Variants in ARL6IP1 observed in about 807,000 individuals in gnomAD.
The protein encoded by ARL6IP1 is ADP-ribosylation factor-like protein 6-interacting protein 1.
A neutral mutation model predicts 30.1 loss-of-function variants in ARL6IP1; 16 were observed. The observed-to-expected ratio is 0.53, with a 90% CI of 0.36 to 0.81. ARL6IP1 has a LOEUF of 0.81. Ranked by LOEUF, ARL6IP1 falls within the 30% of genes least tolerant of loss-of-function variation. The pLI, the probability that ARL6IP1 is intolerant of heterozygous loss-of-function variation, is 0.01. For synonymous variants in ARL6IP1, 72 were observed against 84.8 expected (o/e 0.85, Z 0.83); for missense variants, 173 against 242.7 (o/e 0.71, Z 1.91).
In ARL6IP1 at chr16:18,795,488, T is replaced by C. The variant is rs1347034389; in HGVS notation, c.384A>G (p.Thr128=). ...CCATCTTAGGTTTTTCTTCCTTTAG[T>C]GTGAAGAGGCGTTTCCACCAACCCA... ...RAVGWWKRLF[T]LKEEKPKMYF... is the part of the protein sequence containing the mutation. Residue 128 remains threonine (T), a synonymous_variant, in exon 4 of 6, where the codon ACA becomes ACG. Coordinates refer to ENST00000304414, the MANE Select transcript of ARL6IP1 (RefSeq NM_015161.3). The C allele has an allele frequency of 6.2e-7, 1 of 1,612,918 alleles. No individual in the cohort carries two copies. Among genetic ancestry groups the C allele is most frequent in the Non-Finnish European group, 8.5e-7 (1 of 1,179,740 alleles).
chr16:18,800,285 G>A (rs945828685), intron 1 of ARL6IP1, among the ~76,000 whole-genome samples: 2 of 152,166 alleles, frequency 1.3e-5, no homozygotes, highest in African/African-American at 2.4e-5. Context: ...TACCAAGGAG[G>A]AAACAGATAC....
chr16:18,794,242 T>A (rs1168447840), intron 5 of ARL6IP1, among the ~76,000 whole-genome samples: 2 of 152,182 alleles, frequency 1.3e-5, no homozygotes, highest in African/African-American at 4.8e-5. Context: ...TGAGCCACCG[T>A]GACCAGCCAG....
rs1017838821 is a variant in ARL6IP1 at position 18,792,233 on chromosome 16, C to G, written c.*1019G>C. The G allele has an allele frequency of 1.3e-5, 2 of 152,192 alleles. No individual in the cohort carries two copies. Among genetic ancestry groups the G allele is most frequent in the African/African-American group, 4.8e-5 (2 of 41,450 alleles). 9.4% of individuals were successfully genotyped at this position (152,192 alleles called of 1,614,324 possible). On this transcript the variant is annotated 3_prime_UTR_variant, in exon 6 of 6. Transcript: ENST00000304414. ...AGGGAGAAATCTCTAGGAAAAAAGTCAGACACCAGTGTAGTCACTATCTCC... is the reference window on the plus strand; with the variant it reads ...AGGGAGAAATCTCTAGGAAAAAAGTGAGACACCAGTGTAGTCACTATCTCC...
At position 18,793,074 on chromosome 16, in the gene ARL6IP1, G is replaced by T. The variant is rs527290226; in HGVS notation, c.*178C>A. On this transcript the variant is annotated 3_prime_UTR_variant, in exon 6 of 6. Transcript: ENST00000304414. ...GCTAAGAACGCGCTCAACTATACGC[G>T]ACATGAAGACACTATGCACGAAGCC... 1 of 516,682 alleles carries T rather than the reference G, an allele frequency of 1.9e-6. No homozygotes were observed. Among genetic ancestry groups the T allele is most frequent in the Non-Finnish European group, 3.4e-6 (1 of 290,654 alleles). 32.0% of individuals were successfully genotyped at this position (516,682 alleles called of 1,614,324 possible). A position where few individuals can be genotyped will look rare whatever the true frequency, so the allele number is the denominator to read the frequency against.
rs2035975 is a variant in ARL6IP1 at position 18,798,445 on chromosome 16, A to T, written c.170+256T>A. 128,097 of 405,522 alleles carry T rather than the reference A, an allele frequency of 0.32. 22,532 individuals are homozygous for T. The highest frequency in any genetic ancestry group is 0.37 in the Non-Finnish European group (86,123 of 231,296). The allele number at this position is 405,522 out of a possible 1,614,324, so 25.1% of individuals were successfully genotyped here. ...GTTTCCCAGAACTTAAAGTATAATA[A>T]CAAAAAAAGAGTTTAAGTGTCTGGA... On this transcript the variant is annotated intron_variant, in intron 2 of 5. Coordinates refer to ENST00000304414, the MANE Select transcript of ARL6IP1 (RefSeq NM_015161.3).
chr16:18,798,449 A>G, intron 2 of ARL6IP1: 2 of 419,378 alleles, frequency 4.8e-6, no homozygotes, highest in South Asian at 5.4e-5. Context: ...ATAATAACAA[A>G]AAAAGAGTTT....
chr16:18,798,901 C>A, intron 1 of ARL6IP1, 67 bp from the exon 2 acceptor site: 1 of 1,445,814 alleles, frequency 6.9e-7, no homozygotes, highest in Non-Finnish European at 9.2e-7. Context: ...TCATAGACTT[C>A]AATTATTTTA....
intron 1 of ARL6IP1, among the ~76,000 whole-genome samples, chr16:18,799,382 ATC>A (rs1488305888): frequency 1.3e-5 from 2 of 152,186 alleles, no homozygotes; most frequent in Non-Finnish European, 2.9e-5. Flanking sequence ...ATGTAACTTA[ATC>A]CTTACAGAGA....
chr16:18,795,186 C>T (rs1035143521), intron 4 of ARL6IP1: 18 of 276,440 alleles, frequency 6.5e-5, no homozygotes, highest in Non-Finnish European at 1.1e-4. Context: ...CCACTGTGCC[C>T]GGCCTAAACA....
intron 3 of ARL6IP1, among the ~76,000 whole-genome samples, chr16:18,797,405 T>C (rs72775691): frequency 0.28 from 41,770 of 146,998 alleles, 7,027 homozygotes; most frequent in Non-Finnish European, 0.38. Context: ...AAAAAGAGAA[T>C]GGTATAAATA....
Position 18,797,737 on chromosome 16 carries a change from T to A in ARL6IP1, c.290+188A>T, listed in dbSNP as rs2030284622. On this transcript the variant is annotated intron_variant, in intron 3 of 5. Transcript: ENST00000304414. ...ATGTGCATTTACCATAAAAGAACTA[T>A]GGAGTACAGAAAATTCATAGTTTAT... is the stretch of plus-strand genomic sequence containing the variant. 7.9e-6 allele frequency: 5 copies of A among 630,542 alleles called. No individual in the cohort carries two copies. In the South Asian group the frequency reaches 1.3e-4, roughly 17 times the overall value. 39.1% of individuals were successfully genotyped at this position (630,542 alleles called of 1,614,324 possible).
At chr16:18,794,853 A>T (rs937713074) in intron 4 of ARL6IP1, among the ~76,000 whole-genome samples, 170 bp from the exon 5 acceptor site, 2 of 152,184 alleles carry the variant, frequency 1.3e-5, no homozygotes, top group Non-Finnish European at 2.9e-5. Context: ...ATTCCATTGG[A>T]TCTACTTTAT....
rs928893769 is a variant in ARL6IP1 at position 18,801,502 on chromosome 16, C to A, written c.-36G>T. 1 of 1,607,412 alleles carries A rather than the reference C, an allele frequency of 6.2e-7. No individual in the cohort carries two copies. The highest frequency in any genetic ancestry group is 8.5e-7 in the Non-Finnish European group (1 of 1,177,642). Reference sequence around the variant, plus strand: ...ATGCAGTCTCTACAAGCGCAGGCCACCTCCCCAACGAGTCCTCCAACCGAA... The same window carrying A: ...ATGCAGTCTCTACAAGCGCAGGCCAACTCCCCAACGAGTCCTCCAACCGAA... On this transcript the variant is annotated 5_prime_UTR_variant, in exon 1 of 6. Transcript: ENST00000304414.
intron 3 of ARL6IP1, among the ~76,000 whole-genome samples, chr16:18,796,304 G>A (rs1352599063): frequency 6.6e-6 from 1 of 152,130 alleles, no homozygotes; most frequent in Non-Finnish European, 1.5e-5. Flanking sequence ...TGAGGGATGT[G>A]TTGCCTTCTC....
At chr16:18,796,799 T>C (rs2030244751) in intron 3 of ARL6IP1, among the ~76,000 whole-genome samples, 1 of 152,236 alleles carries the variant, frequency 6.6e-6, no homozygotes, top group Non-Finnish European at 1.5e-5. Context: ...AAACTTTGAA[T>C]TTGTTCTTAA....
At chr16:18,798,982 G>T in intron 1 of ARL6IP1, 148 bp from the exon 2 acceptor site, 1 of 858,916 alleles carries the variant, frequency 1.2e-6, no homozygotes, top group South Asian at 2.3e-5. Flanking sequence ...CTGAAAAACT[G>T]CAATTTCAAA....
At chr16:18,794,989 T>G (rs778511629) in intron 4 of ARL6IP1, among the ~76,000 whole-genome samples, 27 of 151,390 alleles carry the variant, frequency 1.8e-4, no homozygotes, top group Non-Finnish European at 2.8e-4. Context: ...AGCTTACAGA[T>G]AAGAGAACAG....
chr16:18,794,001 G>A (rs2030154809), intron 5 of ARL6IP1, among the ~76,000 whole-genome samples: 1 of 152,100 alleles, frequency 6.6e-6, no homozygotes, highest in South Asian at 2.1e-4. Flanking sequence ...GGGGGGTGGT[G>A]AGTGCAGTGG....
At chr16:18,795,630 A>C in intron 3 of ARL6IP1, 49 bp from the exon 4 acceptor site, 1 of 1,234,396 alleles carries the variant, frequency 8.1e-7, no homozygotes, top group Non-Finnish European at 1.2e-6. Flanking sequence ...TACAGTAGAC[A>C]AAAACATGAC....
Sources: gnomAD v4.1 joint callset for allele counts (sites outside exome capture counted in the v4.1 genomes callset) on GRCh38, gnomAD v4.1.1 for gene constraint, MANE v1.5 for transcripts, NCBI Gene and HGNC (gene_info 2026-07-23, HGNC 2026-07-21) for gene names.